The following RUNX1T1 variants were observed in gnomAD, a reference collection of about 807,000 sequenced individuals.
RUNX1T1 encodes the protein protein CBFA2T1.
Under a neutral mutation model 62.8 loss-of-function variants are expected in RUNX1T1, and 4 were observed. That is an observed-to-expected ratio of 0.06 (90% CI 0.03 to 0.15). The LOEUF (loss-of-function observed/expected upper bound fraction) is 0.15, where lower values mean the gene tolerates loss of function less well. Ranked by LOEUF, RUNX1T1 falls within the 10% of genes least tolerant of loss-of-function variation. The probability of loss-of-function intolerance (pLI) is 1.00; values close to 1 mark genes in which losing one functional copy is unlikely to be tolerated. For missense variants in RUNX1T1, 508 were observed against 754.3 expected, an observed-to-expected ratio of 0.67 and a Z score of 3.82; for synonymous variants, 291 against 286.0, an observed-to-expected ratio of 1.02 and a Z score of -0.18.
intron 1 of RUNX1T1, among the ~76,000 whole-genome samples, chr8:92,024,610 A>G (rs1289212331): frequency 2.0e-5 from 3 of 151,850 alleles, no homozygotes; most frequent in East Asian, 3.9e-4. Context: ...TCCAAGAAAC[A>G]TGTACACTAC....
chr8:92,021,538 G>C (rs1053242602), intron 1 of RUNX1T1, among the ~76,000 whole-genome samples: 2 of 151,950 alleles, frequency 1.3e-5, no homozygotes, highest in Non-Finnish European at 2.9e-5. Context: ...TGACACAGTG[G>C]GATACTTGGC....
At chr8:91,990,032 T>G (rs1057268480) in intron 6 of RUNX1T1, among the ~76,000 whole-genome samples, 3 of 152,144 alleles carry the variant, frequency 2.0e-5, no homozygotes, top group Non-Finnish European at 4.4e-5. Context: ...TCACCCTGAC[T>G]CTCTTTCTGC....
At chr8:92,089,139 G>A (rs1026278138) in intron 1 of RUNX1T1, among the ~76,000 whole-genome samples, 22 of 152,114 alleles carry the variant, frequency 1.4e-4, no homozygotes, top group African/African-American at 5.3e-4. Flanking sequence ...TGGATGATGA[G>A]GAAGTGCTCA....
In RUNX1T1 at chr8:92,057,384, G is replaced by C. The variant is rs1831209869; in HGVS notation, c.7+5162C>G. Among the ~76,000 whole-genome samples, 3 of 152,292 alleles carry C rather than the reference G, an allele frequency of 2.0e-5. No individual in the cohort carries two copies. The South Asian group carries it at 6.2e-4, about 32-fold the overall frequency. ...ATCTCTACCATTTAACTTTACCTATGTCCTTGGGCAAACTGCTTAATTTAT... is the reference window on the plus strand; with the variant it reads ...ATCTCTACCATTTAACTTTACCTATCTCCTTGGGCAAACTGCTTAATTTAT... On this transcript the variant is annotated intron_variant, in intron 1 of 10. Transcript: ENST00000396218.
At chr8:92,069,630 AAAT>A (rs1450739603) in intron 2 of RUNX1T1, among the ~76,000 whole-genome samples, 2 of 152,220 alleles carry the variant, frequency 1.3e-5, no homozygotes, top group Non-Finnish European at 2.9e-5. Context: ...CTATTTGTTC[AAAT>A]AATACCCAGC....
At chr8:92,063,819 T>C (rs991962469), upstream of RUNX1T1, among the ~76,000 whole-genome samples, 5 of 152,292 alleles carry the variant, frequency 3.3e-5, no homozygotes, top group Middle Eastern at 3.4e-3. Context: ...ACAGGGCACA[T>C]GATGAGGTAG....
chr8:92,070,084 C>G (rs1333863674), intron 2 of RUNX1T1, among the ~76,000 whole-genome samples: 2 of 152,194 alleles, frequency 1.3e-5, no homozygotes, highest in Non-Finnish European at 2.9e-5. Flanking sequence ...GTCTCCAAAC[C>G]CAAATTCTTT....
chr8:91,992,892 TA>T (rs751207653), intron 5 of RUNX1T1, among the ~76,000 whole-genome samples: 11 of 152,188 alleles, frequency 7.2e-5, no homozygotes, highest in Non-Finnish European at 1.2e-4. Context: ...CAAATAAAAG[TA>T]GGAGTAAAGC....
At chr8:92,100,696 C>G (rs1837994987), upstream of RUNX1T1, among the ~76,000 whole-genome samples, 1 of 152,012 alleles carries the variant, frequency 6.6e-6, no homozygotes, top group African/African-American at 2.4e-5. Context: ...ACAAAAAAAT[C>G]AGTAAAGGAA....
At chr8:91,996,938 A>G (rs1475387763) in intron 5 of RUNX1T1, among the ~76,000 whole-genome samples, 1 of 150,916 alleles carries the variant, frequency 6.6e-6, no homozygotes, top group Non-Finnish European at 1.5e-5. Flanking sequence ...CCTGGCCGAC[A>G]TGGTGAAACC....
chr8:92,017,768 G>C (rs1026462556), intron 1 of RUNX1T1: 1 of 400,542 alleles, frequency 2.5e-6, no homozygotes, highest in Non-Finnish European at 3.6e-6. Context: ...CTGTTATGCA[G>C]GTGAGATACT....
At chr8:92,095,665 A>T in intron 1 of RUNX1T1, 1 of 849,688 alleles carries the variant, frequency 1.2e-6, no homozygotes, top group South Asian at 2.4e-5. Context: ...AAGGAGAGAC[A>T]CAGGCAGGAG....
intron 1 of RUNX1T1, among the ~76,000 whole-genome samples, chr8:92,059,795 C>T (rs1200237001): frequency 1.3e-5 from 2 of 152,096 alleles, no homozygotes; most frequent in African/African-American, 4.8e-5. Flanking sequence ...TTAAGTAAAA[C>T]CAGATTTTGA....
intron 2 of RUNX1T1, 54 bp downstream of exon 2, chr8:92,075,911 A>AT: frequency 6.8e-7 from 1 of 1,475,936 alleles, no homozygotes; most frequent in Non-Finnish European, 9.2e-7. Context: ...AAATAGATTG[A>AT]TTTTTCTGGT....
chr8:92,008,888 T>C (rs1182577103), intron 4 of RUNX1T1, among the ~76,000 whole-genome samples: 2 of 152,188 alleles, frequency 1.3e-5, no homozygotes, highest in Non-Finnish European at 2.9e-5. Context: ...AACTTTTTCA[T>C]TGATGTCTAA....
chr8:91,980,655 G>T lies in RUNX1T1; in HGVS notation c.1199-4682C>A, dbSNP rs570321281. ...ACCACTATTCTTTAAAGTTCTTTTTGATTTTATGTTTTAAATTTTTTAATT... is the reference window on the plus strand; with the variant it reads ...ACCACTATTCTTTAAAGTTCTTTTTTATTTTATGTTTTAAATTTTTTAATT... On this transcript the variant is annotated intron_variant, in intron 8 of 10. Transcript: ENST00000396218. Among the ~76,000 whole-genome samples the T allele has an allele frequency of 4.6e-5, 7 of 152,154 alleles. No homozygotes were observed. In the South Asian group the frequency reaches 1.5e-3, roughly 32 times the overall value.
chr8:92,080,316 C>A (rs927871649), intron 1 of RUNX1T1, among the ~76,000 whole-genome samples: 12 of 152,204 alleles, frequency 7.9e-5, no homozygotes, highest in Non-Finnish European at 1.5e-4. Context: ...CTTCTTTATA[C>A]TATAGTACTT....
At chr8:92,081,972 G>A (rs1456892268) in intron 1 of RUNX1T1, among the ~76,000 whole-genome samples, 2 of 152,032 alleles carry the variant, frequency 1.3e-5, no homozygotes, top group African/African-American at 2.4e-5. Flanking sequence ...TGCAAGCTCC[G>A]CCTCCCAGGT....
chr8:92,017,850 C>G (rs1823316744), intron 1 of RUNX1T1, among the ~76,000 whole-genome samples: 1 of 152,102 alleles, frequency 6.6e-6, no homozygotes, highest in African/African-American at 2.4e-5. Flanking sequence ...GTTTTCTGGC[C>G]TATTAGATGA....
Sources: allele counts gnomAD v4.1 joint callset (sites outside exome capture counted in the v4.1 genomes callset), GRCh38; gene constraint gnomAD v4.1.1; transcripts MANE v1.5; gene names NCBI Gene and HGNC (gene_info 2026-07-23, HGNC 2026-07-21).